Variants in CELF5 observed in about 807,000 individuals in gnomAD.
The protein encoded by CELF5 is CUGBP Elav-like family member 5.
CELF5 carries 6 observed loss-of-function variants against 54.9 expected under a neutral mutation model. The observed-to-expected ratio is 0.11, with a 90% CI of 0.06 to 0.22. The LOEUF (loss-of-function observed/expected upper bound fraction) is 0.22, where lower values mean the gene tolerates loss of function less well. Ranked by LOEUF, CELF5 falls within the 10% of genes least tolerant of loss-of-function variation. CELF5 has a pLI of 1.00. For synonymous variants in CELF5, 271 were observed against 290.9 expected (o/e 0.93, Z 0.70); for missense variants, 401 against 678.6 (o/e 0.59, Z 4.54).
intron 2 of CELF5, among the ~76,000 whole-genome samples, chr19:3,259,931 A>G (rs2079785321): frequency 6.6e-6 from 1 of 152,174 alleles, no homozygotes; most frequent in South Asian, 2.1e-4. Context: ...GGAGCAAGTA[A>G]TGTTCTGGAA....
intron 12 of CELF5, chr19:3,295,585 C>T (rs1056456177): frequency 1.3e-5 from 2 of 150,814 alleles, no homozygotes; most frequent in African/African-American, 4.9e-5. Flanking sequence ...ACCAGGAACC[C>T]GCCAACACAA....
chr19:3,264,179 C>T (rs2079848050), intron 2 of CELF5, among the ~76,000 whole-genome samples: 1 of 151,948 alleles, frequency 6.6e-6, no homozygotes, highest in South Asian at 2.1e-4. Context: ...TAGGCTGAGG[C>T]AGGAGGATCG....
At chr19:3,276,977 T>C (rs191690511) in intron 4 of CELF5, among the ~76,000 whole-genome samples, 181 of 152,294 alleles carry the variant, frequency 1.2e-3, no homozygotes, top group African/African-American at 4.2e-3. Context: ...CTCCTGGTTC[T>C]GTCTATGTGA....
chr19:3,258,875 C>T lies in CELF5; in HGVS notation c.342+7808C>T, dbSNP rs143539350. On this transcript the variant is annotated intron_variant, in intron 2 of 12. Coordinates refer to ENST00000292672, the MANE Select transcript of CELF5 (RefSeq NM_021938.4). ...ATCCTCCCGCCTCGGCCTCCCAAAG[C>T]GCTGAGATTACAGACGTGAGCCACT... is the stretch of plus-strand genomic sequence containing the variant. Among the ~76,000 whole-genome samples the T allele has an allele frequency of 1.6e-4, 25 of 152,108 alleles. 1 individual carries two copies. The highest frequency in any genetic ancestry group is 3.4e-4 in the African/African-American group (14 of 41,496).
chr19:3,271,697 G>T (rs773665769), intron 2 of CELF5, among the ~76,000 whole-genome samples: 3 of 152,126 alleles, frequency 2.0e-5, no homozygotes, highest in Non-Finnish European at 2.9e-5. Flanking sequence ...GAGGCTCAGC[G>T]AGAGGAGGGA....
Position 3,263,539 on chromosome 19 carries a change from C to T in CELF5, c.343-10333C>T, listed in dbSNP as rs146355530. The stretch of plus-strand genomic sequence containing the variant: ...TTGTGCCACTGCACTCCAGCCTGGG[C>T]GACAGAACAAGACACTGTTTCTAGA... On this transcript the variant is annotated intron_variant, in intron 2 of 12. Transcript: ENST00000292672. Among the ~76,000 whole-genome samples the T allele has an allele frequency of 6.4e-4, 97 of 151,848 alleles. 1 individual carries two copies. Among genetic ancestry groups the T allele is most frequent in the Admixed American group, 5.6e-3 (85 of 15,224 alleles).
chr19:3,269,268 C>T (rs549043503), intron 2 of CELF5, among the ~76,000 whole-genome samples: 24 of 152,116 alleles, frequency 1.6e-4, no homozygotes, highest in Admixed American at 1.3e-4. Context: ...CTCTGCCTCC[C>T]GGGTTCAAGT....
intron 2 of CELF5, among the ~76,000 whole-genome samples, chr19:3,267,205 T>C (rs920137671): frequency 1.3e-5 from 2 of 152,020 alleles, no homozygotes; most frequent in African/African-American, 2.4e-5. Context: ...ACTTTCCACT[T>C]CTACCCCCTC....
chr19:3,250,839 T>C (rs900834738), intron 1 of CELF5, 146 bp from the exon 2 acceptor site: 4 of 628,056 alleles, frequency 6.4e-6, no homozygotes, highest in Non-Finnish European at 1.2e-5. Context: ...TAATATTCCG[T>C]TGCGTGGATG....
At chr19:3,288,929 G>A (rs1226408982) in intron 10 of CELF5, among the ~76,000 whole-genome samples, 1 of 152,098 alleles carries the variant, frequency 6.6e-6, no homozygotes, top group Non-Finnish European at 1.5e-5. Context: ...TTTAGGTTTG[G>A]GATTAGCAGC....
intron 2 of CELF5, among the ~76,000 whole-genome samples, chr19:3,267,330 T>C (rs1317822883): frequency 1.3e-5 from 2 of 152,038 alleles, no homozygotes; most frequent in African/African-American, 2.4e-5. Flanking sequence ...GCAGTGTCCA[T>C]GGGGGACGTA....
At chr19:3,243,332 A>G (rs1469406112) in intron 1 of CELF5, among the ~76,000 whole-genome samples, 1 of 152,084 alleles carries the variant, frequency 6.6e-6, no homozygotes, top group Non-Finnish European at 1.5e-5. Context: ...CCAGGCTGGA[A>G]CACAGTGGCA....
chr19:3,267,293 G>A (rs1232392034), intron 2 of CELF5, among the ~76,000 whole-genome samples: 2 of 149,302 alleles, frequency 1.3e-5, no homozygotes, highest in African/African-American at 4.9e-5. Flanking sequence ...CAACCCCCCC[G>A]TTTCCGGTTC....
intron 2 of CELF5, among the ~76,000 whole-genome samples, chr19:3,263,750 C>A: frequency 6.6e-6 from 1 of 151,260 alleles, no homozygotes; most frequent in Admixed American, 6.6e-5. Flanking sequence ...ACTAAAAATA[C>A]AAAAATGAGC....
intron 4 of CELF5, 117 bp from the exon 5 acceptor site, chr19:3,277,914 T>A: frequency 1.4e-6 from 1 of 719,512 alleles, no homozygotes; most frequent in Non-Finnish European, 2.4e-6. Flanking sequence ...CAGTTCTCTC[T>A]GGCTGCATGT....
At chr19:3,264,048 TAAGC>T (rs1386182189) in intron 2 of CELF5, among the ~76,000 whole-genome samples, 1 of 152,234 alleles carries the variant, frequency 6.6e-6, no homozygotes, top group African/African-American at 2.4e-5. Context: ...GCCGTATTAC[TAAGC>T]CCAACTCTTT....
intron 1 of CELF5, among the ~76,000 whole-genome samples, chr19:3,226,465 C>CACACACACACACAG (rs1444521303): frequency 1.3e-5 from 2 of 151,762 alleles, no homozygotes; most frequent in African/African-American, 4.8e-5. Flanking sequence ...CACACACACA[C>CACACACACACACAG]ACACACACAC....
chr19:3,283,109 ATC>A (rs1289926213), intron 8 of CELF5, among the ~76,000 whole-genome samples: 1 of 152,178 alleles, frequency 6.6e-6, no homozygotes, highest in African/African-American at 2.4e-5. Context: ...TTAATTATTC[ATC>A]TGTGTCATTT....
At chr19:3,280,054 CACAG>C (rs1484385491) in intron 5 of CELF5, among the ~76,000 whole-genome samples, 1 of 152,196 alleles carries the variant, frequency 6.6e-6, no homozygotes, top group Non-Finnish European at 1.5e-5. Flanking sequence ...ATCCTGACTG[CACAG>C]ACAGACACTC....
Sources: gnomAD v4.1 joint callset for allele counts (sites outside exome capture counted in the v4.1 genomes callset) on GRCh38, gnomAD v4.1.1 for gene constraint, MANE v1.5 for transcripts, NCBI Gene and HGNC (gene_info 2026-07-23, HGNC 2026-07-21) for gene names.